BABAM2: variants seen among roughly 807,000 people sequenced by gnomAD.
BABAM2 encodes BRISC and BRCA1-A complex member 2.
BABAM2 carries 31 observed loss-of-function variants against 54.7 expected under a neutral mutation model. The ratio of observed to expected loss-of-function variants is 0.57; its 90% CI spans 0.43 to 0.77. BABAM2 has a LOEUF of 0.77. BABAM2 is among the 30% of genes least tolerant of loss of function. The pLI, the probability that BABAM2 is intolerant of heterozygous loss-of-function variation, is 0.00. For synonymous variants in BABAM2, 167 were observed against 162.9 expected (o/e 1.03, Z -0.19); for missense variants, 364 against 455.8 (o/e 0.80, Z 1.83).
chr2:28,258,258 A>T (rs915639084), intron 10 of BABAM2, among the ~76,000 whole-genome samples: 7 of 152,212 alleles, frequency 4.6e-5, no homozygotes, highest in Non-Finnish European at 7.3e-5. Context: ...AAGTCTTTGT[A>T]TGGACGTATG....
intron 7 of BABAM2, among the ~76,000 whole-genome samples, chr2:28,193,553 G>C (rs1677170668): frequency 6.6e-6 from 1 of 152,168 alleles, no homozygotes; most frequent in African/African-American, 2.4e-5. Context: ...TTTAAAAGCT[G>C]TAAAGTGGCA....
At chr2:28,134,689 C>G (rs532334723) in intron 7 of BABAM2, 1 of 152,352 alleles carries the variant, frequency 6.6e-6, no homozygotes, top group South Asian at 2.1e-4. Context: ...CGAACGCTCA[C>G]TATTATTGAG....
chr2:28,205,416 T>G (rs544445866), intron 7 of BABAM2, among the ~76,000 whole-genome samples: 2 of 145,616 alleles, frequency 1.4e-5, no homozygotes, highest in Non-Finnish European at 3.1e-5. Context: ...GGCAGAAGGA[T>G]CACTTGAACC....
intron 3 of BABAM2, among the ~76,000 whole-genome samples, chr2:27,983,365 T>C (rs534706058): frequency 6.6e-6 from 1 of 152,292 alleles, no homozygotes; most frequent in Non-Finnish European, 1.5e-5. Context: ...ATTGTCTTCA[T>C]TGCTGTAGCT....
chr2:28,164,867 G>T (rs1673475223), intron 7 of BABAM2, among the ~76,000 whole-genome samples: 1 of 152,126 alleles, frequency 6.6e-6, no homozygotes, highest in Admixed American at 6.5e-5. Context: ...CATGGTTTCA[G>T]ATTTTCCCGT....
intron 3 of BABAM2, among the ~76,000 whole-genome samples, chr2:27,985,269 AT>A (rs903986120): frequency 6.2e-4 from 94 of 152,134 alleles, no homozygotes; most frequent in African/African-American, 2.1e-3. Context: ...ATCAAATGGT[AT>A]TTCTACTTTT....
chr2:27,944,834 C>A (rs924474953), intron 3 of BABAM2, among the ~76,000 whole-genome samples: 7 of 152,118 alleles, frequency 4.6e-5, no homozygotes, highest in African/African-American at 1.7e-4. Context: ...TTTTACATTC[C>A]TGCTAACAAT....
chr2:28,237,204 C>T lies in BABAM2; in HGVS notation c.683C>T (p.Ala228Val). 1 of 1,612,954 alleles carries T rather than the reference C, an allele frequency of 6.2e-7. No individual in the cohort carries two copies. The highest frequency in any genetic ancestry group is 8.5e-7 in the Non-Finnish European group (1 of 1,179,084). ...KLYLSPRIEH[A>V]LGGSSALHIP... ...CCATTGTACTCTTGTCCTTTCAGTG[C>T]ACTTGGAGGCTCCTCAGCTCTTCAT... The change falls in exon 8 of 12, where the codon GCA becomes GTA. Residue 228 changes from alanine to valine, a missense_variant and splice_region_variant. Transcript: ENST00000379624.
intron 7 of BABAM2, among the ~76,000 whole-genome samples, chr2:28,162,634 A>C (rs563006074): frequency 8.6e-4 from 131 of 152,314 alleles, no homozygotes; most frequent in African/African-American, 3.1e-3. Flanking sequence ...CCTACCAACC[A>C]GCCAGGTAAT....
intron 11 of BABAM2, among the ~76,000 whole-genome samples, chr2:28,323,747 T>C (rs1408351988): frequency 6.6e-6 from 1 of 152,190 alleles, no homozygotes; most frequent in Non-Finnish European, 1.5e-5. Context: ...AGATGACCTT[T>C]ATGTTACAGG....
At chr2:28,072,943 C>T (rs1319424039) in intron 6 of BABAM2, among the ~76,000 whole-genome samples, 1 of 152,230 alleles carries the variant, frequency 6.6e-6, no homozygotes, top group East Asian at 1.9e-4. Context: ...GTTTCCCAAA[C>T]TGGATTATTT....
intron 7 of BABAM2, among the ~76,000 whole-genome samples, chr2:28,219,671 C>A (rs984434401): frequency 2.0e-5 from 3 of 149,778 alleles, no homozygotes; most frequent in South Asian, 2.1e-4. Flanking sequence ...AAAAAAAAAA[C>A]CGGGTAGAGG....
chr2:27,907,111 G>C (rs904988657), intron 2 of BABAM2, among the ~76,000 whole-genome samples: 1 of 152,036 alleles, frequency 6.6e-6, no homozygotes, highest in African/African-American at 2.4e-5. Flanking sequence ...ATTTTTTGGT[G>C]CCGTGTTGCT....
chr2:28,108,257 C>T (rs1667697581), intron 6 of BABAM2, among the ~76,000 whole-genome samples: 1 of 152,176 alleles, frequency 6.6e-6, no homozygotes, highest in Non-Finnish European at 1.5e-5. Flanking sequence ...TCTTTCTTGC[C>T]TATTTAGTAT....
intron 2 of BABAM2, among the ~76,000 whole-genome samples, chr2:27,898,038 T>A (rs185742997): frequency 2.0e-4 from 30 of 152,362 alleles, no homozygotes; most frequent in East Asian, 7.7e-4. Flanking sequence ...TTTAAATCAG[T>A]ATATTTTTCT....
At position 27,894,588 on chromosome 2, in the gene BABAM2, C is replaced by G. The variant is rs144572761; in HGVS notation, c.32C>G (p.Ser11Cys). 3.5e-3 allele frequency: 5,584 copies of G among 1,614,004 alleles called. 13 individuals are homozygous for G. Among genetic ancestry groups the G allele is most frequent in the Admixed American group, 4.3e-3 (261 of 60,032 alleles). MSPEVALNRI[S>C]PMLSPFISSV... Reference sequence around the variant, plus strand: ...CCAGAAGTGGCCTTGAACCGAATATCTCCAATGCTCTCCCCTTTCATATCT... The same window carrying G: ...CCAGAAGTGGCCTTGAACCGAATATGTCCAATGCTCTCCCCTTTCATATCT... Residue 11 changes from serine to cysteine, a missense_variant, in exon 2 of 12, where the codon TCT (serine) becomes TGT (cysteine). Physicochemically the swap from Ser to Cys is moderately radical, Grantham distance 112 (BLOSUM62 -1). Transcript: ENST00000379624.
intron 7 of BABAM2, among the ~76,000 whole-genome samples, chr2:28,183,739 T>TCTCACACACACACACACACA (rs1553336494): frequency 9.8e-5 from 13 of 133,122 alleles, no homozygotes; most frequent in African/African-American, 3.2e-4. Flanking sequence ...TGGATGAAGA[T>TCTCACACACACACACACACA]CACACACACA....
chr2:28,062,519 C>T (rs1678966555), intron 6 of BABAM2, among the ~76,000 whole-genome samples: 1 of 146,634 alleles, frequency 6.8e-6, no homozygotes, highest in Non-Finnish European at 1.5e-5. Flanking sequence ...GCCAAGATTG[C>T]GTCACTGCAC....
At chr2:28,207,177 G>A (rs748378229) in intron 7 of BABAM2, among the ~76,000 whole-genome samples, 53 of 152,146 alleles carry the variant, frequency 3.5e-4, no homozygotes, top group Admixed American at 7.2e-4. Flanking sequence ...TGCTCTATTA[G>A]AAGTCACATA....
Sources: allele counts gnomAD v4.1 joint callset (sites outside exome capture counted in the v4.1 genomes callset), GRCh38; gene constraint gnomAD v4.1.1; transcripts MANE v1.5; gene names NCBI Gene and HGNC (gene_info 2026-07-23, HGNC 2026-07-21).